Variants in ATP10A observed in about 807,000 individuals in gnomAD.
The protein encoded by ATP10A is phospholipid-transporting ATPase VA.
ATP10A carries 111 observed loss-of-function variants against 147.8 expected under a neutral mutation model. That is an observed-to-expected ratio of 0.75 (90% CI 0.64 to 0.88). The LOEUF (loss-of-function observed/expected upper bound fraction) is 0.88, where lower values mean the gene tolerates loss of function less well. Ranked by LOEUF, ATP10A falls within the 40% of genes least tolerant of loss-of-function variation. The pLI, the probability that ATP10A is intolerant of heterozygous loss-of-function variation, is 0.00. For missense variants in ATP10A, 1,927 were observed against 1,959.0 expected, an observed-to-expected ratio of 0.98 and a Z score of 0.31; for synonymous variants, 875 against 841.6, an observed-to-expected ratio of 1.04 and a Z score of -0.69.
In ATP10A at chr15:25,721,756, G is replaced by T; in HGVS notation, c.1264C>A (p.Gln422Lys). Reference sequence around the variant, plus strand: ...CCAGTTTTATCTGAGAAAATGTACTGTATCTGTCCTAAGTCTTCCGTGATG... The same window carrying T: ...CCAGTTTTATCTGAGAAAATGTACTTTATCTGTCCTAAGTCTTCCGTGATG... ...LNITEDLGQI[Q>K]YIFSDKTGTL... The change falls in exon 7 of 21, where the codon CAG becomes AAG. Residue 422 changes from glutamine (Q) to lysine (K), a missense_variant. By Grantham distance (53) the Gln-to-Lys change is moderately conservative. Coordinates refer to ENST00000555815, the MANE Select transcript of ATP10A (RefSeq NM_024490.4). 2 of 1,614,150 alleles carry T rather than the reference G, an allele frequency of 1.2e-6. No individual in the cohort carries two copies. Among genetic ancestry groups the T allele is most frequent in the Non-Finnish European group, 1.7e-6 (2 of 1,180,022 alleles).
chr15:25,841,937 T>G (rs1892829576), intron 1 of ATP10A, among the ~76,000 whole-genome samples: 1 of 152,200 alleles, frequency 6.6e-6, no homozygotes, highest in South Asian at 2.1e-4. Context: ...CATTTTTCAG[T>G]TGTAAGAGGT....
chr15:25,736,090 G>A lies in ATP10A; in HGVS notation c.706C>T (p.Pro236Ser), dbSNP rs1449438862. 1 of 1,613,578 alleles carries A rather than the reference G, an allele frequency of 6.2e-7. No homozygotes were observed. The highest frequency in any genetic ancestry group is 8.5e-7 in the Non-Finnish European group (1 of 1,180,048). ...CGAAACCTACTCAGGTCGTTGTTTG[G>A]CTTCTCGCATTCGATCACGCTGGTG... ...TFTSVIECEK[P>S]NNDLSRFRGC... Residue 236 changes from proline (P) to serine (S), a missense_variant, in exon 3 of 21, where the codon CCA becomes TCA. Pro to Ser is a moderately conservative substitution (Grantham distance 74). Coordinates refer to ENST00000555815, the MANE Select transcript of ATP10A (RefSeq NM_024490.4).
chr15:25,727,270 T>C lies in ATP10A; in HGVS notation c.741-4A>G. On this transcript the variant is annotated splice_region_variant and splice_polypyrimidine_tract_variant and intron_variant, in intron 3 of 20. Coordinates refer to ENST00000555815, the MANE Select transcript of ATP10A (RefSeq NM_024490.4). ...CTTTTTCCCGTTGTCATGTATGCTGTAGAGGGACAGTTGGCACATGTCACG... is the reference window on the plus strand; with the variant it reads ...CTTTTTCCCGTTGTCATGTATGCTGCAGAGGGACAGTTGGCACATGTCACG... 6.2e-7 allele frequency: 1 copy of C among 1,611,400 alleles called. No homozygotes were observed. The highest frequency in any genetic ancestry group is 1.1e-5 in the South Asian group (1 of 91,008).
At chr15:25,864,967 A>G (rs1893922668), upstream of ATP10A, 1 of 152,398 alleles carries the variant, frequency 6.6e-6, no homozygotes, top group African/African-American at 2.4e-5. Flanking sequence ...AGCTTCAGCC[A>G]GTCCACACTG....
At chr15:25,775,237 ATT>A (rs1032786367) in intron 2 of ATP10A, among the ~76,000 whole-genome samples, 7 of 152,220 alleles carry the variant, frequency 4.6e-5, no homozygotes, top group Non-Finnish European at 5.9e-5. Context: ...GATAGAGACA[ATT>A]TTGGAAGCAT....
intron 1 of ATP10A, among the ~76,000 whole-genome samples, chr15:25,823,825 A>G (rs1319340688): frequency 1.3e-5 from 2 of 152,250 alleles, no homozygotes; most frequent in African/African-American, 2.4e-5. Context: ...ATTCATTACT[A>G]TATTTAAAAT....
intron 1 of ATP10A, among the ~76,000 whole-genome samples, chr15:25,845,311 CGTTTGTGT>C (rs1049069306): frequency 1.5e-4 from 19 of 127,392 alleles, no homozygotes; most frequent in African/African-American, 5.9e-4. Flanking sequence ...CAGCACGGAC[CGTTTGTGT>C]GTTTGTGTGT....
At chr15:25,677,714 C>T (rs551558165), downstream of ATP10A, 1 of 152,448 alleles carries the variant, frequency 6.6e-6, no homozygotes, top group South Asian at 2.1e-4. Context: ...CTGAAGCCCC[C>T]ACCACCCCTT....
intron 10 of ATP10A, chr15:25,709,950 G>C (rs1901297735): frequency 6.6e-6 from 1 of 152,314 alleles, no homozygotes; most frequent in Admixed American, 6.5e-5. Context: ...CAAGCTCCAA[G>C]GAGACCATCA....
intron 3 of ATP10A, 70 bp downstream of exon 3, chr15:25,735,985 AG>A: frequency 7.7e-7 from 1 of 1,298,340 alleles, no homozygotes; most frequent in Non-Finnish European, 1.1e-6. Flanking sequence ...TTTATAACTG[AG>A]AATGTGTAAA....
chr15:25,708,115 C>T lies in ATP10A; in HGVS notation c.2449-13G>A, dbSNP rs1438688383. On this transcript the variant is annotated splice_polypyrimidine_tract_variant and intron_variant, in intron 11 of 20. Coordinates refer to ENST00000555815, the MANE Select transcript of ATP10A (RefSeq NM_024490.4). ...CTTTACTCAGAACCTATGGGAGATA[C>T]ATTGTTGAGTGCTGCACCGGGCGCT... 1 of 1,613,356 alleles carries T rather than the reference C, an allele frequency of 6.2e-7. No homozygotes were observed. The highest frequency in any genetic ancestry group is 2.2e-5 in the East Asian group (1 of 44,840).
Position 25,781,045 on chromosome 15 carries a change from G to A in ATP10A, c.628C>T (p.Gln210Ter). The change falls in exon 2 of 21, where the codon CAG becomes TAG. Residue 210 changes from glutamine (Q) to a stop codon, truncating the protein, a stop_gained. Coordinates refer to ENST00000555815, the MANE Select transcript of ATP10A (RefSeq NM_024490.4). LOFTEE classifies it high-confidence loss of function. The stretch of plus-strand genomic sequence containing the variant: ...AGCTCCGAGAAGCCGCGGACCACCT[G>A]CCGCCGCTTCAGGTTGGTCTCTCCA... ...LDGETNLKRR[Q>*]VVRGFSELVS... 6.2e-7 allele frequency: 1 copy of A among 1,614,078 alleles called. No individual in the cohort carries two copies. The highest frequency in any genetic ancestry group is 8.5e-7 in the Non-Finnish European group (1 of 1,180,022).
intron 12 of ATP10A, among the ~76,000 whole-genome samples, chr15:25,705,094 C>T (rs895475164): frequency 3.9e-5 from 6 of 152,144 alleles, no homozygotes; most frequent in South Asian, 2.1e-4. Flanking sequence ...ATGGAGAGAA[C>T]GGAGATCCTT....
At chr15:25,786,425 G>A (rs992999058) in intron 1 of ATP10A, among the ~76,000 whole-genome samples, 3 of 152,056 alleles carry the variant, frequency 2.0e-5, no homozygotes, top group Admixed American at 6.6e-5. Flanking sequence ...GTCCTCTTGC[G>A]CATCACTCAA....
At chr15:25,753,837 C>T (rs555144442) in intron 2 of ATP10A, among the ~76,000 whole-genome samples, 5 of 151,116 alleles carry the variant, frequency 3.3e-5, no homozygotes, top group African/African-American at 7.3e-5. Context: ...AGTGCACTGC[C>T]GTGATCAGAG....
In ATP10A at chr15:25,863,064, G is replaced by A. The variant is rs1597016696; in HGVS notation, c.33C>T (p.Pro11=). The part of the protein sequence containing the change: MEREPAGTEE[P]GPPGRRRRRE... ...GGCGCCTCCGCCGTCCCGGAGGCCC[G>A]GGCTCCTCGGTCCCCGCCGGCTCCC... is the stretch of plus-strand genomic sequence containing the variant. The change falls in exon 1 of 21, where the codon CCC becomes CCT. Residue 11 remains proline, a synonymous_variant. Transcript: ENST00000555815. 7 of 1,240,132 alleles carry A rather than the reference G, an allele frequency of 5.6e-6. No individual in the cohort carries two copies. In the Admixed American group the frequency reaches 2.6e-4, roughly 46 times the overall value. 76.8% of individuals were successfully genotyped at this position (1,240,132 alleles called of 1,614,324 possible).
At chr15:25,835,033 C>T (rs1892531152) in intron 1 of ATP10A, among the ~76,000 whole-genome samples, 1 of 152,138 alleles carries the variant, frequency 6.6e-6, no homozygotes, top group Admixed American at 6.5e-5. Context: ...GAGGCCGAGG[C>T]AGGATGATCA....
chr15:25,747,518 G>A (rs1179472989), intron 2 of ATP10A, among the ~76,000 whole-genome samples: 1 of 151,608 alleles, frequency 6.6e-6, no homozygotes, highest in African/African-American at 2.4e-5. Flanking sequence ...TAGGAAAAAA[G>A]TATAAATTAT....
intron 1 of ATP10A, among the ~76,000 whole-genome samples, chr15:25,826,593 ACGACCAGCCTGG>A (rs1417943981): frequency 6.6e-6 from 1 of 152,128 alleles, no homozygotes; most frequent in Non-Finnish European, 1.5e-5. Flanking sequence ...TCAGGAGTTT[ACGACCAGCCTGG>A]CCAACATGGT....
Sources: gnomAD v4.1 joint callset for allele counts (sites outside exome capture counted in the v4.1 genomes callset) on GRCh38, gnomAD v4.1.1 for gene constraint, MANE v1.5 for transcripts, NCBI Gene and HGNC (gene_info 2026-07-23, HGNC 2026-07-21) for gene names.